The following ARL14EPL variants were observed in gnomAD, a reference collection of about 807,000 sequenced individuals.
ARL14EPL encodes the protein ARL14 effector protein-like.
ARL14EPL carries 17 observed loss-of-function variants against 15.9 expected under a neutral mutation model. The observed-to-expected ratio is 1.07, with a 90% CI of 0.73 to 1.60. The LOEUF (loss-of-function observed/expected upper bound fraction) is 1.60. Ranked by LOEUF, ARL14EPL falls within the 40% of genes most tolerant of loss-of-function variation. The pLI, the probability that ARL14EPL is intolerant of heterozygous loss-of-function variation, is 0.00. For missense variants in ARL14EPL, 214 were observed against 185.9 expected, an observed-to-expected ratio of 1.15 and a Z score of -0.88; for synonymous variants, 78 against 63.8, an observed-to-expected ratio of 1.22 and a Z score of -1.06.
At chr5:116,047,165 T>C (rs758191384) in intron 1 of ARL14EPL, among the ~76,000 whole-genome samples, 5 of 152,226 alleles carry the variant, frequency 3.3e-5, no homozygotes, top group African/African-American at 7.2e-5. Context: ...AAGACTAATA[T>C]AGTGACTTTC....
intron 1 of ARL14EPL, among the ~76,000 whole-genome samples, chr5:116,039,750 A>G (rs1350780078): frequency 3.3e-5 from 5 of 152,226 alleles, no homozygotes; most frequent in Admixed American, 2.0e-4. Flanking sequence ...GAGAAAAGGT[A>G]CAAATAAACA....
intron 3 of ARL14EPL, among the ~76,000 whole-genome samples, chr5:116,057,333 G>A (rs564310692): frequency 6.6e-6 from 1 of 151,922 alleles, no homozygotes; most frequent in African/African-American, 2.4e-5. Context: ...TGGACAGTGG[G>A]CACACAGAAG....
In ARL14EPL at chr5:116,058,956, G is replaced by A; in HGVS notation, c.*9G>A. On this transcript the variant is annotated 3_prime_UTR_variant, in exon 4 of 4. Coordinates refer to ENST00000686077, the MANE Select transcript of ARL14EPL (RefSeq NM_001195581.2). Reference sequence around the variant, plus strand: ...TTAATGTTCCTGACTAGGTGCTCTTGTATATGGACTGATTTGTTTCTTCTT... The same window carrying A: ...TTAATGTTCCTGACTAGGTGCTCTTATATATGGACTGATTTGTTTCTTCTT... 3 of 1,532,010 alleles carry A rather than the reference G, an allele frequency of 2.0e-6. No homozygotes were observed. The highest frequency in any genetic ancestry group is 2.6e-6 in the Non-Finnish European group (3 of 1,143,334). The allele number at this position is 1,532,010 out of a possible 1,614,324, so 94.9% of individuals were successfully genotyped here.
At chr5:116,056,655 G>C (rs368556343) in intron 3 of ARL14EPL, among the ~76,000 whole-genome samples, 14 of 152,098 alleles carry the variant, frequency 9.2e-5, no homozygotes, top group East Asian at 3.8e-4. Flanking sequence ...AGTTTAATTA[G>C]ATCCCATTTG....
intron 2 of ARL14EPL, among the ~76,000 whole-genome samples, chr5:116,053,445 C>A (rs1205981138): frequency 6.6e-6 from 1 of 151,694 alleles, no homozygotes; most frequent in Non-Finnish European, 1.5e-5. Flanking sequence ...AGCAATATTT[C>A]TCTTGTTCCA....
intron 1 of ARL14EPL, among the ~76,000 whole-genome samples, chr5:116,049,329 G>A (rs549865778): frequency 1.1e-3 from 167 of 152,236 alleles, no homozygotes; most frequent in Middle Eastern, 0.01. Context: ...AAGAAAATTA[G>A]TGATTTTTGA....
intron 3 of ARL14EPL, among the ~76,000 whole-genome samples, chr5:116,057,770 G>A (rs149547315): frequency 4.6e-4 from 70 of 152,284 alleles, no homozygotes; most frequent in Non-Finnish European, 8.4e-4. Context: ...ATTACTTAGC[G>A]AACAGAAGGA....
At chr5:116,042,152 G>C (rs1454957366) in intron 1 of ARL14EPL, among the ~76,000 whole-genome samples, 1 of 152,138 alleles carries the variant, frequency 6.6e-6, no homozygotes, top group Non-Finnish European at 1.5e-5. Flanking sequence ...TTGACATCTT[G>C]ATTCCCAGGG....
intron 3 of ARL14EPL, 132 bp downstream of exon 3, chr5:116,054,285 C>A: frequency 9.4e-7 from 1 of 1,058,492 alleles, no homozygotes; most frequent in Non-Finnish European, 1.3e-6. Context: ...TATAATAGTA[C>A]CCATGTGTCT....
intron 1 of ARL14EPL, among the ~76,000 whole-genome samples, chr5:116,045,782 A>G (rs1911946): frequency 0.096 from 11,187 of 117,022 alleles, 497 homozygotes; most frequent in Admixed American, 0.14. Context: ...GTGTGTGTGT[A>G]TGTGTACGAA....
intron 1 of ARL14EPL, among the ~76,000 whole-genome samples, chr5:116,039,627 C>A (rs1749111470): frequency 6.6e-6 from 1 of 151,760 alleles, no homozygotes; most frequent in Non-Finnish European, 1.5e-5. Context: ...CTAAACATAC[C>A]TCTTAGAACA....
At chr5:116,053,208 C>T (rs925929828) in intron 2 of ARL14EPL, among the ~76,000 whole-genome samples, 1 of 151,896 alleles carries the variant, frequency 6.6e-6, no homozygotes, top group African/African-American at 2.4e-5. Context: ...AAAAATTAGC[C>T]AAGCATGGTG....
chr5:116,049,877 G>A (rs768901939), intron 1 of ARL14EPL, among the ~76,000 whole-genome samples: 8 of 151,832 alleles, frequency 5.3e-5, no homozygotes, highest in Non-Finnish European at 1.2e-4. Flanking sequence ...TTTACTTAAC[G>A]CACCCAAAAA....
chr5:116,035,105 G>A (rs1045496132), intron 1 of ARL14EPL, among the ~76,000 whole-genome samples: 1 of 152,146 alleles, frequency 6.6e-6, no homozygotes, highest in East Asian at 1.9e-4. Flanking sequence ...AACTTGCATT[G>A]TAATGATATA....
In ARL14EPL at chr5:116,058,934, A is replaced by G. The variant is rs998624218; in HGVS notation, c.446A>G (p.Asn149Ser). 2.5e-5 allele frequency: 39 copies of G among 1,535,894 alleles called. No homozygotes were observed. Among genetic ancestry groups the G allele is most frequent in the Non-Finnish European group, 3.1e-5 (36 of 1,146,844 alleles). Residue 149 changes from asparagine (N) to serine (S), a missense_variant, in exon 4 of 4, where the codon AAT (asparagine) becomes AGT (serine). Transcript: ENST00000686077. ...GAGGTCATCAGCACGCTGCCGTTTA[A>G]TGTTCCTGACTAGGTGCTCTTGTAT... is the stretch of plus-strand genomic sequence containing the variant. ...SGEVISTLPF[N>S]VPD
intron 3 of ARL14EPL, among the ~76,000 whole-genome samples, chr5:116,058,320 A>T (rs1749566735): frequency 6.6e-6 from 1 of 152,244 alleles, no homozygotes; most frequent in Non-Finnish European, 1.5e-5. Context: ...ATAATCTGTT[A>T]GGGAAAAATC....
At position 116,051,868 on chromosome 5, in the gene ARL14EPL, A is replaced by G; in HGVS notation, c.96+307A>G. 7 of 1,227,826 alleles carry G rather than the reference A, an allele frequency of 5.7e-6. No homozygotes were observed. The South Asian group carries it at 9.4e-5, about 16-fold the overall frequency. 76.1% of individuals were successfully genotyped at this position (1,227,826 alleles called of 1,614,324 possible). ...ATTTTTATTTTTATTTTTTGATTTA[A>G]TAAAGTTTTATTTTTCCAAATGTAC... On this transcript the variant is annotated intron_variant, in intron 2 of 3. Coordinates refer to ENST00000686077, the MANE Select transcript of ARL14EPL (RefSeq NM_001195581.2).
At chr5:116,051,673 G>A in intron 2 of ARL14EPL, 112 bp downstream of exon 2, 1 of 911,964 alleles carries the variant, frequency 1.1e-6, no homozygotes, top group Non-Finnish European at 1.6e-6. Flanking sequence ...ACCTCACAGG[G>A]AGGAGCTCTG....
intron 1 of ARL14EPL, among the ~76,000 whole-genome samples, chr5:116,039,941 T>C (rs1436590907): frequency 1.3e-5 from 2 of 152,212 alleles, no homozygotes; most frequent in East Asian, 1.9e-4. Context: ...TCAGATCTGC[T>C]TTTGTAATAA....
Sources: gnomAD v4.1 joint callset for allele counts (sites outside exome capture counted in the v4.1 genomes callset) on GRCh38, gnomAD v4.1.1 for gene constraint, MANE v1.5 for transcripts, NCBI Gene and HGNC (gene_info 2026-07-23, HGNC 2026-07-21) for gene names.